GALNTL6: variants seen among roughly 807,000 people sequenced by gnomAD.
GALNTL6 encodes polypeptide N-acetylgalactosaminyltransferase-like 6.
GALNTL6 carries 46 observed loss-of-function variants against 73.7 expected under a neutral mutation model. The ratio of observed to expected loss-of-function variants is 0.62; its 90% confidence interval spans 0.49 to 0.80. The LOEUF (loss-of-function observed/expected upper bound fraction) is 0.80, where lower values mean the gene tolerates loss of function less well. Ranked by LOEUF, GALNTL6 falls within the 30% of genes least tolerant of loss-of-function variation. The pLI, the probability that GALNTL6 is intolerant of heterozygous loss-of-function variation, is 0.00. For synonymous variants in GALNTL6, 259 were observed against 263.7 expected, an observed-to-expected ratio of 0.98 and a Z score of 0.17; for missense variants, 604 against 755.0, an observed-to-expected ratio of 0.80 and a Z score of 2.34.
At chr4:172,168,596 G>A (rs994186709) in intron 2 of GALNTL6, among the ~76,000 whole-genome samples, 3 of 151,806 alleles carry the variant, frequency 2.0e-5, no homozygotes, top group Admixed American at 2.0e-4. Flanking sequence ...GGTGGAGGTG[G>A]TGGTGGTGGT....
chr4:172,097,640 G>A (rs114857116), intron 2 of GALNTL6, among the ~76,000 whole-genome samples: 3,089 of 152,156 alleles, frequency 0.02, 103 homozygotes, highest in African/African-American at 0.068. Flanking sequence ...TCTGAGGATG[G>A]CAGAGCAAAA....
intron 2 of GALNTL6, among the ~76,000 whole-genome samples, chr4:172,196,722 A>C (rs1198892571): frequency 6.6e-6 from 1 of 152,190 alleles, no homozygotes; most frequent in Non-Finnish European, 1.5e-5. Flanking sequence ...ATGCAGAAAA[A>C]GCCTTCAATA....
At chr4:172,299,432 C>T (rs951201770) in intron 3 of GALNTL6, among the ~76,000 whole-genome samples, 1 of 152,098 alleles carries the variant, frequency 6.6e-6, no homozygotes, top group African/African-American at 2.4e-5. Context: ...TTTGCTCTTG[C>T]TTCTCTAGTT....
chr4:171,908,651 C>T (rs1175358669), intron 2 of GALNTL6, among the ~76,000 whole-genome samples: 1 of 150,878 alleles, frequency 6.6e-6, no homozygotes, highest in East Asian at 1.9e-4. Flanking sequence ...TGGGTATATA[C>T]CCAAAGGACT....
At chr4:172,004,792 C>T (rs941835758) in intron 2 of GALNTL6, among the ~76,000 whole-genome samples, 1 of 151,140 alleles carries the variant, frequency 6.6e-6, no homozygotes, top group East Asian at 1.9e-4. Flanking sequence ...TTAAAGCAGA[C>T]TTTGTCTCCT....
intron 5 of GALNTL6, among the ~76,000 whole-genome samples, chr4:172,794,355 T>A (rs1740152404): frequency 1.3e-5 from 2 of 152,328 alleles, no homozygotes; most frequent in South Asian, 4.1e-4. Flanking sequence ...ATTGATTAAG[T>A]TGAAATGAAG....
At chr4:172,360,944 A>C (rs1159162182) in intron 5 of GALNTL6, among the ~76,000 whole-genome samples, 1 of 152,188 alleles carries the variant, frequency 6.6e-6, no homozygotes, top group Non-Finnish European at 1.5e-5. Flanking sequence ...AGAAGTTTGC[A>C]TTCAGCTTCT....
At chr4:172,410,427 C>T (rs1013031713) in intron 5 of GALNTL6, among the ~76,000 whole-genome samples, 16 of 151,834 alleles carry the variant, frequency 1.1e-4, no homozygotes, top group Admixed American at 2.6e-4. Flanking sequence ...GTTATTGCTC[C>T]GAAAAATATC....
At chr4:172,846,342 A>G (rs1430106343) in intron 7 of GALNTL6, among the ~76,000 whole-genome samples, 1 of 152,232 alleles carries the variant, frequency 6.6e-6, no homozygotes, top group African/African-American at 2.4e-5. Context: ...TATTATAATT[A>G]TTACTTGAAA....
chr4:172,050,273 G>A (rs1730810474), intron 2 of GALNTL6, among the ~76,000 whole-genome samples: 1 of 152,154 alleles, frequency 6.6e-6, no homozygotes, highest in African/African-American at 2.4e-5. Flanking sequence ...TCAGGCTTTA[G>A]TCCCAACTTC....
intron 5 of GALNTL6, among the ~76,000 whole-genome samples, chr4:172,500,687 G>A (rs1451252158): frequency 6.7e-6 from 1 of 148,946 alleles, no homozygotes; most frequent in Non-Finnish European, 1.5e-5. Context: ...TTTTTTTTTT[G>A]TTTTTTGTTT....
intron 7 of GALNTL6, among the ~76,000 whole-genome samples, chr4:172,825,036 C>T (rs1742158272): frequency 2.1e-5 from 3 of 144,794 alleles, no homozygotes; most frequent in South Asian, 2.3e-4. Context: ...GATGCTAAAT[C>T]GGTGGGACAA....
intron 2 of GALNTL6, among the ~76,000 whole-genome samples, chr4:172,086,053 A>G (rs1278662899): frequency 1.3e-5 from 2 of 152,118 alleles, no homozygotes; most frequent in African/African-American, 4.8e-5. Context: ...TGTTTATATC[A>G]ACCAAAATTC....
At chr4:172,275,774 T>G (rs984810763) in intron 3 of GALNTL6, among the ~76,000 whole-genome samples, 1 of 152,116 alleles carries the variant, frequency 6.6e-6, no homozygotes, top group African/African-American at 2.4e-5. Context: ...CTGGCCAACA[T>G]GGTGAAACCC....
intron 2 of GALNTL6, among the ~76,000 whole-genome samples, chr4:171,899,749 C>A (rs1737026632): frequency 6.6e-6 from 1 of 152,144 alleles, no homozygotes; most frequent in East Asian, 1.9e-4. Context: ...ATTGACAAAC[C>A]CAAAAGCAGC....
chr4:172,658,149 CAAAAAAA>C (rs58279803), intron 5 of GALNTL6, among the ~76,000 whole-genome samples: 3 of 5,012 alleles, frequency 6.0e-4, no homozygotes, highest in East Asian at 0.021. Context: ...GACTCCGTCT[CAAAAAAA>C]AAAAAAAAAA....
At chr4:172,366,475 C>T (rs1164978472) in intron 5 of GALNTL6, among the ~76,000 whole-genome samples, 1 of 151,944 alleles carries the variant, frequency 6.6e-6, no homozygotes, top group Non-Finnish European at 1.5e-5. Flanking sequence ...ATGGTAGTGC[C>T]ATGTCACCTT....
chr4:172,214,219 TG>T (rs1736420867), intron 2 of GALNTL6, among the ~76,000 whole-genome samples: 1 of 152,182 alleles, frequency 6.6e-6, no homozygotes, highest in Non-Finnish European at 1.5e-5. Flanking sequence ...GTCTGGAAAT[TG>T]GGTAGTTTGA....
At chr4:172,177,784 CAT>C (rs1491456689) in intron 2 of GALNTL6, among the ~76,000 whole-genome samples, 1 of 58,270 alleles carries the variant, frequency 1.7e-5, no homozygotes, top group African/African-American at 4.4e-5. Flanking sequence ...CATATATACA[CAT>C]GTGTATATAT....
Sources: allele counts gnomAD v4.1 joint callset (sites outside exome capture counted in the v4.1 genomes callset), GRCh38; gene constraint gnomAD v4.1.1; transcripts MANE v1.5; gene names NCBI Gene and HGNC (gene_info 2026-07-23, HGNC 2026-07-21).